The following NFASC variants were observed in gnomAD, a reference collection of about 807,000 sequenced individuals.
NFASC encodes the protein neurofascin homolog.
NFASC carries 43 observed loss-of-function variants against 147.5 expected under a neutral mutation model. The observed-to-expected ratio is 0.29, with a 90% CI of 0.23 to 0.38. NFASC has a LOEUF of 0.38. Ranked by LOEUF, NFASC falls within the 10% of genes least tolerant of loss-of-function variation. The pLI is 1.00. For synonymous variants in NFASC, 622 were observed against 665.5 expected, an observed-to-expected ratio of 0.93 and a Z score of 1.01; for missense variants, 1,320 against 1,689.0, an observed-to-expected ratio of 0.78 and a Z score of 3.83.
Position 204,987,754 on chromosome 1 carries a change from C to G in NFASC, c.2593+214C>G, listed in dbSNP as rs893071564. Among the ~76,000 whole-genome samples, 1 of 152,186 alleles carries G rather than the reference C, an allele frequency of 6.6e-6. No homozygotes were observed. Among genetic ancestry groups the G allele is most frequent in the Non-Finnish European group, 1.5e-5 (1 of 68,034 alleles). Reference sequence around the variant, plus strand: ...TCATAGTTCTGCCTGCAGGGAGCTTCTAGTCTCACTGATGAGACAAAGGGA... The same window carrying G: ...TCATAGTTCTGCCTGCAGGGAGCTTGTAGTCTCACTGATGAGACAAAGGGA... On this transcript the variant is annotated intron_variant, in intron 22 of 29. Transcript: ENST00000339876. The surrounding 1 kb of genome is among the most constrained non-coding windows in gnomAD (Gnocchi z 4.4).
chr1:204,988,694 C>G lies in NFASC; in HGVS notation c.2655C>G (p.Phe885Leu). The change falls in exon 23 of 30, where the codon TTC becomes TTG. Residue 885 changes from phenylalanine (F) to leucine (L), a missense_variant. This residue lies in a region of NFASC where 981 missense variants were observed against 1,289.5 expected (regional missense o/e 0.76). Transcript: ENST00000339876. ...VENFSPNQTK[F>L]TVQRTDPVSR... ...ACTTCTCTCCCAATCAGACCAAGTTCACGGTGCAAAGAACGGACCCCGTGT... is the reference window on the plus strand; with the variant it reads ...ACTTCTCTCCCAATCAGACCAAGTTGACGGTGCAAAGAACGGACCCCGTGT... 1 of 1,614,196 alleles carries G rather than the reference C, an allele frequency of 6.2e-7. No homozygotes were observed. Among genetic ancestry groups the G allele is most frequent in the Non-Finnish European group, 8.5e-7 (1 of 1,180,006 alleles).
chr1:204,869,165 G>A (rs1270939661), intron 1 of NFASC, among the ~76,000 whole-genome samples: 2 of 152,202 alleles, frequency 1.3e-5, no homozygotes, highest in Non-Finnish European at 2.9e-5. Flanking sequence ...GTGGGAGTGC[G>A]GGTTGTTGAC....
intron 8 of NFASC, among the ~76,000 whole-genome samples, chr1:204,960,068 G>C (rs67149561): frequency 0.17 from 26,251 of 152,058 alleles, 3,156 homozygotes; most frequent in East Asian, 0.61. Flanking sequence ...TAGCACAGTG[G>C]TGCTCTCTCT....
intron 2 of NFASC, among the ~76,000 whole-genome samples, chr1:204,940,502 T>A (rs2093288240): frequency 6.6e-6 from 1 of 152,184 alleles, no homozygotes; most frequent in Admixed American, 6.5e-5. Flanking sequence ...ATTTGGTCCA[T>A]TCACAATGTG....
intron 23 of NFASC, among the ~76,000 whole-genome samples, chr1:204,990,740 G>A (rs943357331): frequency 6.6e-6 from 1 of 152,156 alleles, no homozygotes. Context: ...ATGGTGTGGA[G>A]TGGGTGCAGC....
intron 1 of NFASC, among the ~76,000 whole-genome samples, chr1:204,857,905 T>G (rs1312122472): frequency 7.1e-6 from 1 of 141,392 alleles, no homozygotes; most frequent in African/African-American, 2.8e-5. Context: ...TGTCCTAGTC[T>G]CCTTCTTCTT....
chr1:204,960,445 G>A (rs564210390), intron 8 of NFASC, among the ~76,000 whole-genome samples: 7 of 152,300 alleles, frequency 4.6e-5, no homozygotes, highest in East Asian at 1.9e-4. Context: ...TGTGGTAAGC[G>A]AGGAGGGTCC....
At chr1:204,908,831 A>T (rs2086651675) in intron 1 of NFASC, among the ~76,000 whole-genome samples, 2 of 152,164 alleles carry the variant, frequency 1.3e-5, no homozygotes. Flanking sequence ...AAAGTATGTA[A>T]CTTTTGGGGA....
At chr1:204,964,922 C>G (rs958307696) in intron 8 of NFASC, among the ~76,000 whole-genome samples, 17 of 152,180 alleles carry the variant, frequency 1.1e-4, no homozygotes, top group African/African-American at 4.1e-4. Flanking sequence ...AGGCATTTAT[C>G]GTTGGACCTT....
chr1:204,837,726 A>G (rs1674164317), intron 1 of NFASC, among the ~76,000 whole-genome samples: 1 of 152,126 alleles, frequency 6.6e-6, no homozygotes, highest in South Asian at 2.1e-4. Flanking sequence ...TGCACTGGAA[A>G]GTAACGCCGG....
chr1:204,912,545 T>C (rs1327251462), intron 1 of NFASC, among the ~76,000 whole-genome samples: 1 of 151,394 alleles, frequency 6.6e-6, no homozygotes, highest in Non-Finnish European at 1.5e-5. Context: ...AAACTATAAA[T>C]AATAATAAAT....
At chr1:204,991,246 A>G (rs1158570147) in intron 23 of NFASC, 46 bp from the exon 24 acceptor site, 2 of 1,606,292 alleles carry the variant, frequency 1.2e-6, no homozygotes, top group African/African-American at 1.3e-5. Flanking sequence ...TCCCTTTTCC[A>G]TCCTTTCTCC....
intron 25 of NFASC, 189 bp from the exon 26 acceptor site, chr1:205,000,981 G>A (rs1189986173): frequency 3.2e-6 from 2 of 616,862 alleles, no homozygotes; most frequent in Non-Finnish European, 6.0e-6. Context: ...GCTGCAGCTT[G>A]GAGCTCTGTC....
intron 26 of NFASC, among the ~76,000 whole-genome samples, chr1:205,002,048 C>G (rs1228156475): frequency 6.6e-6 from 1 of 152,178 alleles, no homozygotes; most frequent in African/African-American, 2.4e-5. Context: ...ATAGTTTGGT[C>G]CATACTTTTT....
intron 1 of NFASC, among the ~76,000 whole-genome samples, chr1:204,908,557 A>G (rs2086564063): frequency 6.6e-6 from 1 of 152,122 alleles, no homozygotes; most frequent in Non-Finnish European, 1.5e-5. Context: ...TGTAGCAGAT[A>G]ACACTACTTT....
chr1:204,944,472 G>GGCC, intron 3 of NFASC, 66 bp downstream of exon 3: 1 of 402,578 alleles, frequency 2.5e-6, no homozygotes, highest in African/African-American at 2.1e-5. Context: ...GGAGGGGAGG[G>GGCC]AAGGTCAGAG....
In NFASC at chr1:204,981,929, C is replaced by G. The variant is rs141448434; in HGVS notation, c.2379C>G (p.Val793=). The part of the protein sequence containing the change: ...GSRYVVGQTP[V]YVPYEIRVQA... ...GCTACGTGGTGGGGCAGACCCCAGTCTACGTGCCCTATGAGATCCGAGTCC... is the reference window on the plus strand; with the variant it reads ...GCTACGTGGTGGGGCAGACCCCAGTGTACGTGCCCTATGAGATCCGAGTCC... Residue 793 remains valine, a synonymous_variant, in exon 21 of 30, where the codon GTC becomes GTG. Transcript: ENST00000339876. 1 of 1,609,394 alleles carries G rather than the reference C, an allele frequency of 6.2e-7. No homozygotes were observed. The highest frequency in any genetic ancestry group is 8.5e-7 in the Non-Finnish European group (1 of 1,178,022).
At chr1:204,990,263 G>A (rs552581460) in intron 23 of NFASC, 1 of 152,366 alleles carries the variant, frequency 6.6e-6, no homozygotes, top group East Asian at 1.9e-4. Context: ...AGTTTATTAG[G>A]GCAGGGGGAC....
intron 1 of NFASC, among the ~76,000 whole-genome samples, chr1:204,871,763 C>G (rs561058213): frequency 6.6e-6 from 1 of 152,288 alleles, no homozygotes; most frequent in African/African-American, 2.4e-5. Flanking sequence ...CATGCTAAAC[C>G]AAAACAAGAG....
Sources: gnomAD v4.1 joint callset for allele counts (sites outside exome capture counted in the v4.1 genomes callset) on GRCh38, gnomAD v4.1.1 for gene constraint, gnomAD v4.1.1 regional missense constraint, Gnocchi (gnomAD v3.1) non-coding constraint, MANE v1.5 for transcripts, NCBI Gene and HGNC (gene_info 2026-07-23, HGNC 2026-07-21) for gene names.